PARD3B: variants seen among roughly 807,000 people sequenced by gnomAD.
PARD3B encodes the protein partitioning defective 3 homolog B.
Under a neutral mutation model 130.2 loss-of-function variants are expected in PARD3B, and 103 were observed. The ratio of observed to expected loss-of-function variants is 0.79; its 90% CI spans 0.67 to 0.93. The LOEUF is 0.93. PARD3B is among the 40% of genes least tolerant of loss of function. The pLI, the probability that PARD3B is intolerant of heterozygous loss-of-function variation, is 0.00. For synonymous variants in PARD3B, 583 were observed against 553.2 expected, an observed-to-expected ratio of 1.05 and a Z score of -0.76; for missense variants, 1,609 against 1,499.2, an observed-to-expected ratio of 1.07 and a Z score of -1.21.
chr2:205,539,367 T>C (rs1215910368), intron 21 of PARD3B, among the ~76,000 whole-genome samples: 1 of 152,170 alleles, frequency 6.6e-6, no homozygotes, highest in African/African-American at 2.4e-5. Context: ...ATATCACTCA[T>C]TTAATATGTA....
At chr2:205,067,637 A>G (rs1264791800) in intron 4 of PARD3B, among the ~76,000 whole-genome samples, 1 of 152,166 alleles carries the variant, frequency 6.6e-6, no homozygotes, top group Non-Finnish European at 1.5e-5. Context: ...ATTTACCTAT[A>G]AATTTTTTAA....
chr2:205,316,842 G>A (rs1362634437), intron 18 of PARD3B, among the ~76,000 whole-genome samples: 2 of 152,096 alleles, frequency 1.3e-5, no homozygotes, highest in Non-Finnish European at 2.9e-5. Context: ...ATACTATTGA[G>A]CAAACAACTG....
rs202130832 is a variant in PARD3B, at chr2:205,125,706, G to T, written c.1403G>T (p.Arg468Leu). The T allele has an allele frequency of 1.2e-5, 20 of 1,613,936 alleles. No homozygotes were observed. The highest frequency in any genetic ancestry group is 2.7e-5 in the African/African-American group (2 of 74,892). ...QGETASLVIA[R>L]QEGHFLPREL... ...GAGACAGCATCGCTGGTCATTGCCC[G>T]CCAAGAAGGACATTTTCTGCCCCGA... The change falls in exon 10 of 23, where the codon CGC (arginine) becomes CTC (leucine). Residue 468 changes from arginine to leucine, a missense_variant. Transcript: ENST00000406610. The surrounding 1 kb of genome is among the most constrained non-coding windows in gnomAD (Gnocchi z 4.0).
At chr2:204,785,763 C>T (rs1362513305) in intron 2 of PARD3B, among the ~76,000 whole-genome samples, 1 of 151,960 alleles carries the variant, frequency 6.6e-6, no homozygotes, top group Non-Finnish European at 1.5e-5. Flanking sequence ...TACCTTTTTC[C>T]CCCATATTGT....
chr2:205,215,682 T>C (rs2037871399), intron 15 of PARD3B, among the ~76,000 whole-genome samples: 1 of 152,076 alleles, frequency 6.6e-6, no homozygotes, highest in Non-Finnish European at 1.5e-5. Context: ...TTGTTGGCCA[T>C]TTAAATGAAT....
In PARD3B at chr2:204,887,244, C is replaced by G. The variant is rs1575218073; in HGVS notation, c.223-77908C>G. Among the ~76,000 whole-genome samples the G allele has an allele frequency of 6.6e-6, 1 of 152,262 alleles. No individual in the cohort carries two copies. Among genetic ancestry groups the G allele is most frequent in the East Asian group, 1.9e-4 (1 of 5,178 alleles). ...TAGTATGTTTCCATCTCAGAACCCA[C>G]AAATTACCAATTAAACACAATCTTC... On this transcript the variant is annotated intron_variant, in intron 2 of 22. Coordinates refer to ENST00000406610, the MANE Select transcript of PARD3B (RefSeq NM_001302769.2). The surrounding 1 kb of genome is among the most constrained non-coding windows in gnomAD (Gnocchi z 4.2).
intron 2 of PARD3B, among the ~76,000 whole-genome samples, chr2:204,921,716 GC>G (rs1317740464): frequency 6.6e-6 from 1 of 152,078 alleles, no homozygotes; most frequent in Admixed American, 6.6e-5. Context: ...GTTGGAGCAA[GC>G]CTGTGTCATG....
chr2:204,853,166 G>T (rs959418945), intron 2 of PARD3B, among the ~76,000 whole-genome samples: 6 of 151,342 alleles, frequency 4.0e-5, no homozygotes, highest in African/African-American at 1.5e-4. Context: ...AATTTTATCA[G>T]GTATTACTAT....
chr2:205,117,075 G>A (rs1254217295), intron 6 of PARD3B, among the ~76,000 whole-genome samples: 5 of 152,088 alleles, frequency 3.3e-5, no homozygotes, highest in South Asian at 2.1e-4. Flanking sequence ...ACATAAACAC[G>A]TTTATAACCA....
chr2:205,614,899 C>G (rs1028622312), intron 22 of PARD3B, among the ~76,000 whole-genome samples: 7 of 152,144 alleles, frequency 4.6e-5, no homozygotes, highest in East Asian at 1.9e-4. Flanking sequence ...CGAGTGCAGT[C>G]CATGGAAACT....
intron 19 of PARD3B, among the ~76,000 whole-genome samples, chr2:205,430,172 C>G (rs1240329521): frequency 6.6e-6 from 1 of 152,206 alleles, no homozygotes; most frequent in Non-Finnish European, 1.5e-5. Flanking sequence ...AGTGAGGGGC[C>G]TGCAGAACTC....
At chr2:205,039,380 C>T (rs1287365385) in intron 3 of PARD3B, among the ~76,000 whole-genome samples, 1 of 152,122 alleles carries the variant, frequency 6.6e-6, no homozygotes, top group Non-Finnish European at 1.5e-5. Flanking sequence ...TGATGTTTTC[C>T]TCTCAGGTAC....
chr2:204,559,060 T>C (rs1343416560), intron 1 of PARD3B, among the ~76,000 whole-genome samples: 2 of 152,142 alleles, frequency 1.3e-5, no homozygotes, highest in Non-Finnish European at 2.9e-5. Flanking sequence ...ATTAAAGACT[T>C]AAATGTTAGA....
At chr2:204,987,870 A>C (rs776598716) in intron 3 of PARD3B, among the ~76,000 whole-genome samples, 1 of 152,156 alleles carries the variant, frequency 6.6e-6, no homozygotes, top group African/African-American at 2.4e-5. Context: ...GGGGGAATTC[A>C]TGGGTTTGTC....
chr2:204,626,291 T>C (rs73059032), intron 1 of PARD3B, among the ~76,000 whole-genome samples: 3,695 of 152,256 alleles, frequency 0.024, 155 homozygotes, highest in African/African-American at 0.083. Context: ...CCTCAAAGTA[T>C]GGCAGGGAAT....
rs574752300 is a variant in PARD3B, at chr2:204,858,352, T to C, written c.223-106800T>C. 1.4e-4 allele frequency among the ~76,000 whole-genome samples: 21 copies of C among 152,108 alleles called. 1 individual carries two copies. Among genetic ancestry groups the C allele is most frequent in the African/African-American group, 5.1e-4 (21 of 41,518 alleles). Reference sequence around the variant, plus strand: ...ATCGGTAAAGAAACTGTGGTGTGTATACACAATAGAATATTATTCAGCCTT... The same window carrying C: ...ATCGGTAAAGAAACTGTGGTGTGTACACACAATAGAATATTATTCAGCCTT... On this transcript the variant is annotated intron_variant, in intron 2 of 22. Transcript: ENST00000406610.
At chr2:204,668,788 G>A (rs2036144136) in intron 1 of PARD3B, among the ~76,000 whole-genome samples, 1 of 152,180 alleles carries the variant, frequency 6.6e-6, no homozygotes, top group African/African-American at 2.4e-5. Flanking sequence ...CATGACAAAT[G>A]AGAATTAAGG....
intron 14 of PARD3B, among the ~76,000 whole-genome samples, chr2:205,186,470 T>C (rs903777299): frequency 1.3e-5 from 2 of 152,222 alleles, no homozygotes; most frequent in Non-Finnish European, 2.9e-5. Context: ...TGATGAGTTT[T>C]AAAAATCATT....
intron 16 of PARD3B, among the ~76,000 whole-genome samples, chr2:205,278,042 G>A (rs931408238): frequency 5.3e-5 from 8 of 152,160 alleles, no homozygotes; most frequent in South Asian, 4.1e-4. Flanking sequence ...GCTTGGACGC[G>A]GAGGGAGGAT....
Sources: allele counts gnomAD v4.1 joint callset (sites outside exome capture counted in the v4.1 genomes callset), GRCh38; gene constraint gnomAD v4.1.1; non-coding constraint Gnocchi (gnomAD v3.1); transcripts MANE v1.5; gene names NCBI Gene and HGNC (gene_info 2026-07-23, HGNC 2026-07-21).